Variants in DEFB121 observed in about 807,000 individuals in gnomAD.
DEFB121 encodes the protein defensin beta 121.
DEFB121 carries 5 observed loss-of-function variants against 2.5 expected under a neutral mutation model. The ratio of observed to expected loss-of-function variants is 1.96; its 90% CI spans 1.03 to 4.13. The LOEUF is 4.13. Ranked by LOEUF, DEFB121 falls within the 30% of genes most tolerant of loss-of-function variation. The pLI, the probability that DEFB121 is intolerant of heterozygous loss-of-function variation, is 0.00. For synonymous variants in DEFB121, 39 were observed against 32.6 expected, an observed-to-expected ratio of 1.20 and a Z score of -0.67; for missense variants, 87 against 85.0, an observed-to-expected ratio of 1.02 and a Z score of -0.09.
At chr20:31,407,540 C>T (rs184394086), upstream of DEFB121, among the ~76,000 whole-genome samples, 18 of 152,266 alleles carry the variant, frequency 1.2e-4, no homozygotes, top group African/African-American at 2.9e-4. Context: ...ATGAGAGATA[C>T]GTGGGGCACA....
In DEFB121 at chr20:31,405,256, G is replaced by A. The variant is rs955251795; in HGVS notation, c.59-171C>T. ...TTTAAGGGAGATTATAGACCACTAC[G>A]CTTTCTTCCTTCACTTGTGCCCCCT... On this transcript the variant is annotated intron_variant, in intron 1 of 1. Coordinates refer to ENST00000376314, the MANE Select transcript of DEFB121 (RefSeq NM_001011878.3). Among the ~76,000 whole-genome samples, 5 of 152,182 alleles carry A rather than the reference G, an allele frequency of 3.3e-5. 1 individual carries two copies. The East Asian group carries it at 7.8e-4, about 24-fold the overall frequency.
At chr20:31,405,682 A>T (rs1203996804) in intron 1 of DEFB121, among the ~76,000 whole-genome samples, 1 of 152,200 alleles carries the variant, frequency 6.6e-6, no homozygotes, top group Non-Finnish European at 1.5e-5. Flanking sequence ...TTGAGGTTGC[A>T]TTAAAAAGTG....
chr20:31,412,863 G>A (rs541758952), upstream of DEFB121: 37 of 317,146 alleles, frequency 1.2e-4, no homozygotes, highest in South Asian at 8.3e-4. Flanking sequence ...GAGTGTATAC[G>A]ATGTAACTCT....
upstream of DEFB121, among the ~76,000 whole-genome samples, chr20:31,415,458 C>G (rs1356830357): frequency 6.6e-6 from 1 of 152,018 alleles, no homozygotes; most frequent in Non-Finnish European, 1.5e-5. Context: ...CCATGTTGGC[C>G]AGGCTGGTCT....
chr20:31,408,179 C>T (rs1364732108), upstream of DEFB121, among the ~76,000 whole-genome samples: 4 of 152,178 alleles, frequency 2.6e-5, no homozygotes, highest in Admixed American at 6.5e-5. Flanking sequence ...AGCAGAGGCT[C>T]CTGCCTGTAA....
At chr20:31,409,313 G>A (rs566723828), upstream of DEFB121, among the ~76,000 whole-genome samples, 2 of 152,210 alleles carry the variant, frequency 1.3e-5, no homozygotes, top group Non-Finnish European at 2.9e-5. Context: ...AATTGTCATA[G>A]TAACTTTATT....
chr20:31,411,779 C>G (rs991446024), intron 1 of DEFB121, among the ~76,000 whole-genome samples: 1 of 152,172 alleles, frequency 6.6e-6, no homozygotes, highest in Non-Finnish European at 1.5e-5. Flanking sequence ...TAAAGGTGTA[C>G]GCAGTTACCT....
upstream of DEFB121, among the ~76,000 whole-genome samples, chr20:31,406,793 CT>C (rs1256643289): frequency 2.0e-5 from 3 of 152,018 alleles, no homozygotes; most frequent in Non-Finnish European, 2.9e-5. Flanking sequence ...TTGTTGTGGT[CT>C]TTTTTTTATT....
upstream of DEFB121, among the ~76,000 whole-genome samples, chr20:31,416,852 T>C (rs4911306): frequency 0.76 from 115,336 of 152,032 alleles, 43,916 homozygotes; most frequent in African/African-American, 0.82. Context: ...TTCCTAGGCT[T>C]ATTATCCCAA....
chr20:31,405,220 G>A, intron 1 of DEFB121, 135 bp from the exon 2 acceptor site: 1 of 804,236 alleles, frequency 1.2e-6, no homozygotes, highest in Non-Finnish European at 1.9e-6. Context: ...TCTTACACAG[G>A]ATCCCCTAAG....
At chr20:31,413,028 T>C (rs1331269395), upstream of DEFB121, among the ~76,000 whole-genome samples, 2 of 152,224 alleles carry the variant, frequency 1.3e-5, no homozygotes, top group African/African-American at 4.8e-5. Context: ...CAGAAGCTGC[T>C]CTTTCCCTCA....
At chr20:31,412,821 C>A in exon 1 of DEFB121, 1 of 459,440 alleles carries the variant, frequency 2.2e-6, no homozygotes, top group Non-Finnish European at 3.8e-6. Context: ...CACCCAGAGT[C>A]GAGGCTCAAG....
At chr20:31,408,813 G>A (rs1026029346), upstream of DEFB121, among the ~76,000 whole-genome samples, 3 of 152,182 alleles carry the variant, frequency 2.0e-5, no homozygotes, top group African/African-American at 7.2e-5. Flanking sequence ...ATCACCTGAA[G>A]CCAGGAATTC....
At chr20:31,406,378 A>C, upstream of DEFB121, 2 of 922,498 alleles carry the variant, frequency 2.2e-6, no homozygotes, top group East Asian at 3.6e-5. Flanking sequence ...GACGTTAACA[A>C]AGAGAAGATA....
chr20:31,409,065 G>A (rs1001764351), upstream of DEFB121, among the ~76,000 whole-genome samples: 1 of 151,012 alleles, frequency 6.6e-6, no homozygotes, highest in African/African-American at 2.4e-5. Flanking sequence ...GATCACTTGA[G>A]GCCAGGAGTT....
upstream of DEFB121, among the ~76,000 whole-genome samples, chr20:31,415,286 A>G (rs970713181): frequency 2.7e-5 from 4 of 148,408 alleles, no homozygotes; most frequent in South Asian, 2.1e-4. Flanking sequence ...GTCTCGCTCT[A>G]TCCCCCAGGC....
upstream of DEFB121, among the ~76,000 whole-genome samples, chr20:31,414,318 A>G (rs1978745137): frequency 6.6e-6 from 1 of 152,210 alleles, no homozygotes. Context: ...AAGGAAAGAA[A>G]GAGATTATAT....
At chr20:31,406,287 G>A (rs144190719), upstream of DEFB121, 80 of 1,450,100 alleles carry the variant, frequency 5.5e-5, no homozygotes, top group African/African-American at 8.5e-5. Flanking sequence ...GAACCAGAAC[G>A]GGAACAGTCA....
chr20:31,410,574 C>T (rs1407818052), upstream of DEFB121, among the ~76,000 whole-genome samples: 1 of 152,030 alleles, frequency 6.6e-6, no homozygotes, highest in Non-Finnish European at 1.5e-5. Context: ...ATAAATCTGC[C>T]ATAAATACAT....
Sources: gnomAD v4.1 joint callset for allele counts (sites outside exome capture counted in the v4.1 genomes callset) on GRCh38, gnomAD v4.1.1 for gene constraint, MANE v1.5 for transcripts, NCBI Gene and HGNC (gene_info 2026-07-23, HGNC 2026-07-21) for gene names.